Variants in MEI4 observed in about 807,000 individuals in gnomAD.
MEI4 encodes meiosis-specific protein MEI4.
A neutral mutation model predicts 31.4 loss-of-function variants in MEI4; 27 were observed. That is an observed-to-expected ratio of 0.86 (90% CI 0.63 to 1.19). MEI4 has a LOEUF of 1.19. Ranked by LOEUF, MEI4 falls within the 50% of genes most tolerant of loss-of-function variation. The probability of loss-of-function intolerance (pLI) is 0.00; values close to 1 mark genes in which losing one functional copy is unlikely to be tolerated. For missense variants in MEI4, 329 were observed against 398.9 expected (o/e 0.82, Z 1.49); for synonymous variants, 122 against 145.4 (o/e 0.84, Z 1.16).
chr6:77,755,569 C>T lies in MEI4; in HGVS notation c.233-5561C>T, dbSNP rs540981253. Among the ~76,000 whole-genome samples, 222 of 152,188 alleles carry T rather than the reference C, an allele frequency of 1.5e-3. 2 individuals carry two copies. Among genetic ancestry groups the T allele is most frequent in the African/African-American group, 5.2e-3 (214 of 41,540 alleles). On this transcript the variant is annotated intron_variant, in intron 2 of 4. Coordinates refer to ENST00000684080, the MANE Select transcript of MEI4 (RefSeq NM_001322247.2). ...GAGTAGCTGAGATTACAGGCACACACCACCACACCCGGCTAACTTTTGTAT... is the reference window on the plus strand; with the variant it reads ...GAGTAGCTGAGATTACAGGCACACATCACCACACCCGGCTAACTTTTGTAT...
At chr6:77,856,111 C>A (rs942926749) in intron 4 of MEI4, among the ~76,000 whole-genome samples, 3 of 152,190 alleles carry the variant, frequency 2.0e-5, no homozygotes, top group African/African-American at 7.2e-5. Context: ...TACATCCTTT[C>A]TCTGGCAAGA....
intron 3 of MEI4, among the ~76,000 whole-genome samples, chr6:77,772,612 A>G (rs1768344808): frequency 6.6e-6 from 1 of 152,084 alleles, no homozygotes; most frequent in Non-Finnish European, 1.5e-5. Flanking sequence ...CACAGCCAGT[A>G]TCATACTGAA....
chr6:77,740,276 T>C (rs1767365507), intron 2 of MEI4, among the ~76,000 whole-genome samples: 1 of 152,214 alleles, frequency 6.6e-6, no homozygotes, highest in African/African-American at 2.4e-5. Flanking sequence ...ATGAGAAGAA[T>C]GTACATTCTG....
chr6:77,746,595 T>G (rs566289866), intron 2 of MEI4, among the ~76,000 whole-genome samples: 1 of 152,038 alleles, frequency 6.6e-6, no homozygotes, highest in South Asian at 2.1e-4. Flanking sequence ...GCCTCCATGC[T>G]TGCTTCAGCC....
At chr6:77,803,651 G>C (rs1452708975) in intron 3 of MEI4, among the ~76,000 whole-genome samples, 1 of 152,068 alleles carries the variant, frequency 6.6e-6, no homozygotes, top group Non-Finnish European at 1.5e-5. Flanking sequence ...TGGTGTTTTG[G>C]TGTGGATGTC....
In MEI4 at chr6:77,691,509, G is replaced by A. The variant is rs61387600; in HGVS notation, c.232+606G>A. Among the ~76,000 whole-genome samples the A allele has an allele frequency of 8.2e-3, 1,242 of 152,114 alleles. 48 individuals are homozygous for A. The East Asian group carries it at 0.14, about 17-fold the overall frequency. ...AGAACATCCAGTAAGATGCAGGAGC[G>A]TGTGCAAAGGCACTGGAGTGGAGAA... On this transcript the variant is annotated intron_variant, in intron 2 of 4. Coordinates refer to ENST00000684080, the MANE Select transcript of MEI4 (RefSeq NM_001322247.2).
intron 1 of MEI4, among the ~76,000 whole-genome samples, chr6:77,672,626 G>A (rs1562200342): frequency 6.6e-6 from 1 of 152,088 alleles, no homozygotes; most frequent in African/African-American, 2.4e-5. Flanking sequence ...TGCAAGCTCC[G>A]CCTCCCAGGT....
chr6:77,880,731 T>G (rs1263710669), intron 4 of MEI4, among the ~76,000 whole-genome samples: 1 of 152,122 alleles, frequency 6.6e-6, no homozygotes, highest in African/African-American at 2.4e-5. Context: ...AAAAACAGAC[T>G]GCCTGTGGAG....
chr6:77,756,146 G>A (rs1267273354), intron 2 of MEI4, among the ~76,000 whole-genome samples: 1 of 151,930 alleles, frequency 6.6e-6, no homozygotes, highest in African/African-American at 2.4e-5. Flanking sequence ...CATTTAAAGG[G>A]ACAAGGATAT....
chr6:77,701,854 T>C (rs1458856493), intron 2 of MEI4, among the ~76,000 whole-genome samples: 1 of 152,088 alleles, frequency 6.6e-6, no homozygotes, highest in East Asian at 1.9e-4. Context: ...TGCAGAGCAG[T>C]GTAAGTAGTT....
chr6:77,885,664 T>C (rs1771602079), intron 4 of MEI4, among the ~76,000 whole-genome samples: 1 of 152,214 alleles, frequency 6.6e-6, no homozygotes, highest in Non-Finnish European at 1.5e-5. Context: ...ATTTTATTTC[T>C]TCCTTGTCTG....
intron 4 of MEI4, among the ~76,000 whole-genome samples, chr6:77,876,256 G>A (rs1428220195): frequency 6.6e-6 from 1 of 152,162 alleles, no homozygotes; most frequent in African/African-American, 2.4e-5. Context: ...CTTTGTAACA[G>A]TTTTAAGAGG....
At chr6:77,741,950 C>G (rs1198906979) in intron 2 of MEI4, among the ~76,000 whole-genome samples, 1 of 151,892 alleles carries the variant, frequency 6.6e-6, no homozygotes, top group African/African-American at 2.4e-5. Flanking sequence ...GACATGAACT[C>G]ATCATTTTTT....
chr6:77,888,334 CT>C lies in MEI4; in HGVS notation c.901-34743del, dbSNP rs59851856. Among the ~76,000 whole-genome samples, 313 of 142,782 alleles carry C rather than the reference CT, an allele frequency of 2.2e-3. 2 individuals are homozygous for C. The highest frequency in any genetic ancestry group is 6.8e-3 in the African/African-American group (264 of 38,936). 93.7% of individuals were successfully genotyped at this position (142,782 alleles called of 152,430 possible). A position where few individuals can be genotyped will look rare whatever the true frequency, so the allele number is the denominator to read the frequency against. On this transcript the variant is annotated intron_variant, in intron 4 of 4. Transcript: ENST00000684080. ...TCTAATTTTTTTGTATATCCTTTTT[CT>C]TTTTTTTTTTTCTCTCTTACTGTTT...
intron 4 of MEI4, among the ~76,000 whole-genome samples, chr6:77,889,983 G>A (rs1771719502): frequency 6.6e-6 from 1 of 152,232 alleles, no homozygotes; most frequent in Non-Finnish European, 1.5e-5. Flanking sequence ...TTCAGAGCAT[G>A]TATGGAAATG....
intron 2 of MEI4, among the ~76,000 whole-genome samples, chr6:77,708,264 A>G (rs1369334025): frequency 6.6e-6 from 1 of 152,200 alleles, no homozygotes; most frequent in Non-Finnish European, 1.5e-5. Flanking sequence ...ACACTGAATC[A>G]AGGATTTTTT....
At chr6:77,884,020 G>T (rs1029571898) in intron 4 of MEI4, among the ~76,000 whole-genome samples, 1 of 151,742 alleles carries the variant, frequency 6.6e-6, no homozygotes, top group South Asian at 2.1e-4. Flanking sequence ...CTCACCAACG[G>T]TTGTTATTTT....
At chr6:77,660,372 T>C (rs1204970674) in intron 1 of MEI4, among the ~76,000 whole-genome samples, 1 of 152,170 alleles carries the variant, frequency 6.6e-6, no homozygotes, top group Non-Finnish European at 1.5e-5. Context: ...AAAGATCATC[T>C]ATCCACTCTA....
chr6:77,677,164 CAGAAT>C (rs1768859740), intron 1 of MEI4, among the ~76,000 whole-genome samples: 1 of 152,164 alleles, frequency 6.6e-6, no homozygotes, highest in African/African-American at 2.4e-5. Context: ...TTGATAGAAA[CAGAAT>C]TGTTTTAAAA....
Sources: gnomAD v4.1 joint callset for allele counts (sites outside exome capture counted in the v4.1 genomes callset) on GRCh38, gnomAD v4.1.1 for gene constraint, MANE v1.5 for transcripts, NCBI Gene and HGNC (gene_info 2026-07-23, HGNC 2026-07-21) for gene names.